SOX5: variants seen among roughly 807,000 people sequenced by gnomAD.
SOX5 encodes the protein transcription factor SOX-5.
A neutral mutation model predicts 92.0 loss-of-function variants in SOX5; 9 were observed. The ratio of observed to expected loss-of-function variants is 0.10; its 90% confidence interval spans 0.06 to 0.17. The LOEUF (loss-of-function observed/expected upper bound fraction) is 0.17, where lower values mean the gene tolerates loss of function less well. Ranked by LOEUF, SOX5 falls within the 10% of genes least tolerant of loss-of-function variation. The pLI, the probability that SOX5 is intolerant of heterozygous loss-of-function variation, is 1.00. For synonymous variants in SOX5, 344 were observed against 336.3 expected, an observed-to-expected ratio of 1.02 and a Z score of -0.25; for missense variants, 642 against 944.5, an observed-to-expected ratio of 0.68 and a Z score of 4.20.
intron 4 of SOX5, among the ~76,000 whole-genome samples, chr12:24,158,807 G>A (rs768014351): frequency 7.9e-5 from 12 of 151,828 alleles, no homozygotes; most frequent in Non-Finnish European, 1.8e-4. Flanking sequence ...CAGCATTTAT[G>A]TCACCTAAGC....
rs113957034 is a variant in SOX5 at position 24,272,825 on chromosome 12, G to A, written c.-77+4391C>T. On this transcript the variant is annotated intron_variant, in intron 3 of 4. Transcript: ENST00000446891. ...TTATAATCACAAGAGGAATTGGCCT[G>A]TAAGTCCTTTTTCATACTATTCTCA... is the stretch of plus-strand genomic sequence containing the variant. 3.9e-5 allele frequency among the ~76,000 whole-genome samples: 6 copies of A among 152,048 alleles called. No individual in the cohort carries two copies. In the East Asian group the frequency reaches 1.2e-3, roughly 29 times the overall value.
intron 4 of SOX5, among the ~76,000 whole-genome samples, chr12:24,066,789 T>C (rs1940823227): frequency 6.6e-6 from 1 of 152,106 alleles, no homozygotes; most frequent in Admixed American, 6.5e-5. Flanking sequence ...AACTAAGCAA[T>C]GGGGGAAAAG....
At chr12:24,099,007 C>T (rs186273287) in intron 4 of SOX5, among the ~76,000 whole-genome samples, 1 of 152,276 alleles carries the variant, frequency 6.6e-6, no homozygotes, top group African/African-American at 2.4e-5. Context: ...ATCTAAGGCT[C>T]TGAGAACTTC....
intron 4 of SOX5, among the ~76,000 whole-genome samples, chr12:23,997,507 G>C (rs2900528): frequency 0.41 from 61,840 of 151,998 alleles, 12,965 homozygotes; most frequent in East Asian, 0.59. Flanking sequence ...AGTGGGCCTT[G>C]ATAAACTTGC....
At chr12:23,852,520 G>A (rs547333942) in intron 2 of SOX5, among the ~76,000 whole-genome samples, 4 of 152,132 alleles carry the variant, frequency 2.6e-5, no homozygotes, top group Admixed American at 2.6e-4. Flanking sequence ...CTCTTTTAAA[G>A]ATTGCTATTC....
intron 1 of SOX5, among the ~76,000 whole-genome samples, chr12:24,542,532 A>G (rs1952234036): frequency 6.6e-6 from 1 of 152,226 alleles, no homozygotes; most frequent in Non-Finnish European, 1.5e-5. Context: ...TCTGCAAAAT[A>G]TACGATAGGC....
At chr12:23,608,791 T>C (rs2075591387) in intron 8 of SOX5, among the ~76,000 whole-genome samples, 1 of 152,166 alleles carries the variant, frequency 6.6e-6, no homozygotes, top group South Asian at 2.1e-4. Context: ...TGGTAAAGAA[T>C]GCCTGATCAA....
chr12:24,001,295 T>C (rs979198132), intron 4 of SOX5, among the ~76,000 whole-genome samples: 3 of 152,090 alleles, frequency 2.0e-5, no homozygotes, highest in Non-Finnish European at 4.4e-5. Context: ...TCTCACTATG[T>C]TGGCCAGGCG....
intron 2 of SOX5, among the ~76,000 whole-genome samples, chr12:24,343,066 G>A (rs1952764583): frequency 1.3e-5 from 2 of 152,180 alleles, no homozygotes; most frequent in Admixed American, 1.3e-4. Context: ...AAGTTTAATA[G>A]TCACCTTCAC....
At chr12:23,941,973 G>A (rs765309470) in intron 1 of SOX5, among the ~76,000 whole-genome samples, 10 of 150,644 alleles carry the variant, frequency 6.6e-5, no homozygotes, top group Non-Finnish European at 1.2e-4. Context: ...CCTCAGGAGA[G>A]CAGTGAAAAA....
chr12:24,010,053 G>A (rs1952736480), intron 4 of SOX5, among the ~76,000 whole-genome samples: 1 of 152,086 alleles, frequency 6.6e-6, no homozygotes, highest in South Asian at 2.1e-4. Flanking sequence ...CCAAGCTTTG[G>A]ATTCAGTTTC....
chr12:23,549,508 T>C (rs1305748553), intron 11 of SOX5, among the ~76,000 whole-genome samples: 1 of 151,974 alleles, frequency 6.6e-6, no homozygotes, highest in African/African-American at 2.4e-5. Flanking sequence ...AATGCTGATA[T>C]GAAAATGACA....
In SOX5 at chr12:24,548,715, G is replaced by C. The variant is rs539653025; in HGVS notation, c.-251+13614C>G. 3.9e-5 allele frequency among the ~76,000 whole-genome samples: 6 copies of C among 152,256 alleles called. No homozygotes were observed. The South Asian group carries it at 1.2e-3, about 32-fold the overall frequency. ...GTTTGTTTCTGAAATCCTTCCTCTT[G>C]CCTTCCTCTCTAACACTACTGCTAT... On this transcript the variant is annotated intron_variant, in intron 1 of 4. Coordinates refer to the SOX5 transcript ENST00000446891.
At chr12:24,446,071 A>G (rs11047444) in intron 1 of SOX5, among the ~76,000 whole-genome samples, 46,157 of 152,136 alleles carry the variant, frequency 0.3, 7,270 homozygotes, top group Middle Eastern at 0.37. Context: ...CATTTAACAA[A>G]TATTTATTGC....
intron 4 of SOX5, among the ~76,000 whole-genome samples, chr12:24,184,485 T>C (rs1021042435): frequency 1.3e-5 from 2 of 152,176 alleles, no homozygotes; most frequent in African/African-American, 4.8e-5. Context: ...GATAAGATTT[T>C]GACAGAATAT....
chr12:23,976,278 T>C (rs1484914047), intron 4 of SOX5, among the ~76,000 whole-genome samples: 1 of 151,568 alleles, frequency 6.6e-6, no homozygotes, highest in African/African-American at 2.4e-5. Context: ...GTTGTTTAAT[T>C]CTTGGAGAAA....
chr12:24,384,361 C>T (rs914936138), intron 1 of SOX5, among the ~76,000 whole-genome samples: 1 of 152,112 alleles, frequency 6.6e-6, no homozygotes, highest in Admixed American at 6.5e-5. Context: ...GTTGTATGGC[C>T]CGGTTTCTAA....
At chr12:23,954,616 G>A (rs1293730152), upstream of SOX5, among the ~76,000 whole-genome samples, 1 of 151,848 alleles carries the variant, frequency 6.6e-6, no homozygotes, top group East Asian at 1.9e-4. Context: ...AAATACCTTA[G>A]GCATTCTATA....
intron 3 of SOX5, among the ~76,000 whole-genome samples, chr12:23,759,514 T>C (rs1594131568): frequency 6.6e-6 from 1 of 152,044 alleles, no homozygotes; most frequent in East Asian, 1.9e-4. Flanking sequence ...AAAATCCACA[T>C]TCAATACTCT....
Sources: gnomAD v4.1 joint callset for allele counts (sites outside exome capture counted in the v4.1 genomes callset) on GRCh38, gnomAD v4.1.1 for gene constraint, MANE v1.5 for transcripts, NCBI Gene and HGNC (gene_info 2026-07-23, HGNC 2026-07-21) for gene names.